The following HS6ST2 variants were observed in gnomAD, a reference collection of about 807,000 sequenced individuals.
HS6ST2 encodes heparan sulfate 6-O-sulfotransferase 2, also known as heparan-sulfate 6-O-sulfotransferase 2.
A neutral mutation model predicts 33.0 loss-of-function variants in HS6ST2; 17 were observed. The ratio of observed to expected loss-of-function variants is 0.52; its 90% CI spans 0.35 to 0.77. The LOEUF is 0.77. Among genes scored for constraint, HS6ST2 ranks in the 30% least tolerant of loss-of-function variants. The pLI, the probability that HS6ST2 is intolerant of heterozygous loss-of-function variation, is 0.01. For synonymous variants in HS6ST2, 248 were observed against 237.1 expected (o/e 1.05, Z -0.42); for missense variants, 519 against 551.7 (o/e 0.94, Z 0.59).
rs1223264100 is a variant in HS6ST2 at position 132,626,133 on chromosome X, AAAAATG to A, written c.*2084_*2089del. The stretch of plus-strand genomic sequence containing the variant: ...GAAATCATGGGATTTACATAATGGC[AAAAATG>A]TATATGTATATTTATAACATCCTCT... On this transcript the variant is annotated 3_prime_UTR_variant, in exon 5 of 5. Transcript: ENST00000370833. 9.5e-6 allele frequency: 1 copy of A among 105,662 alleles called. No individual in the cohort carries two copies. The highest frequency in any genetic ancestry group is 2.0e-5 in the Non-Finnish European group (1 of 50,221). The allele number at this position is 105,662 out of a possible 1,213,427, so 8.7% of individuals were successfully genotyped here. A position where few individuals can be genotyped will look rare whatever the true frequency, so the allele number is the denominator to read the frequency against.
chrX:132,936,641 GC>G (rs2066825399), intron 2 of HS6ST2, among the ~76,000 whole-genome samples: 1 of 111,367 alleles, frequency 9.0e-6, no homozygotes, highest in Non-Finnish European at 1.9e-5. Flanking sequence ...ATAAGTGAGA[GC>G]TAAACACTGA....
intron 4 of HS6ST2, among the ~76,000 whole-genome samples, chrX:132,632,452 G>A (rs1228550718): frequency 8.1e-5 from 9 of 110,988 alleles, no homozygotes; most frequent in Non-Finnish European, 1.5e-4. Context: ...TATATCCAAG[G>A]AAGAGCTTTT....
chrX:132,834,641 G>A (rs1393551368), intron 2 of HS6ST2, among the ~76,000 whole-genome samples: 1 of 112,300 alleles, frequency 8.9e-6, no homozygotes, highest in Non-Finnish European at 1.9e-5. Flanking sequence ...TTCGTAATTT[G>A]AGAATTGCAC....
chrX:132,872,661 C>G (rs2066073533), intron 2 of HS6ST2, among the ~76,000 whole-genome samples: 1 of 111,696 alleles, frequency 9.0e-6, no homozygotes, highest in Non-Finnish European at 1.9e-5. Context: ...TTAATACATA[C>G]AGTGTTCATA....
At chrX:132,650,967 T>C (rs764723248) in intron 4 of HS6ST2, among the ~76,000 whole-genome samples, 54 of 110,932 alleles carry the variant, frequency 4.9e-4, no homozygotes, top group African/African-American at 1.6e-3. Context: ...GGGGTCTCAC[T>C]ATGTTGCCCA....
chrX:132,823,597 T>C (rs2065482037), intron 2 of HS6ST2, among the ~76,000 whole-genome samples: 1 of 107,522 alleles, frequency 9.3e-6, no homozygotes, highest in South Asian at 4.1e-4. Flanking sequence ...GGCTCATACC[T>C]GTAAAGCCAG....
At chrX:132,690,362 T>C (rs1172315534) in intron 3 of HS6ST2, among the ~76,000 whole-genome samples, 1 of 111,976 alleles carries the variant, frequency 8.9e-6, no homozygotes, top group East Asian at 2.8e-4. Context: ...GAAAGAGTCT[T>C]CAATTTCCCA....
intron 2 of HS6ST2, among the ~76,000 whole-genome samples, chrX:132,718,194 A>T (rs1267762347): frequency 9.0e-6 from 1 of 111,678 alleles, no homozygotes; most frequent in Non-Finnish European, 1.9e-5. Context: ...AAATGAGAAA[A>T]CTGAGGCTCA....
chrX:132,790,404 G>A (rs767027291), intron 2 of HS6ST2, among the ~76,000 whole-genome samples: 1 of 111,961 alleles, frequency 8.9e-6, no homozygotes, highest in Admixed American at 9.5e-5. Context: ...ATAGTATGTT[G>A]TAAATATAAC....
chrX:132,637,499 T>G (rs2063557019), intron 4 of HS6ST2, among the ~76,000 whole-genome samples: 1 of 108,133 alleles, frequency 9.2e-6, no homozygotes, highest in Non-Finnish European at 1.9e-5. Context: ...CTGTAAACAT[T>G]TACTTTCCTT....
At chrX:132,924,819 G>A (rs779517474) in intron 2 of HS6ST2, among the ~76,000 whole-genome samples, 1 of 111,844 alleles carries the variant, frequency 8.9e-6, no homozygotes, top group East Asian at 2.8e-4. Context: ...GCGAAATGCC[G>A]CCTCTAGGAA....
chrX:132,764,682 G>A (rs944929444), intron 2 of HS6ST2, among the ~76,000 whole-genome samples: 3 of 111,463 alleles, frequency 2.7e-5, no homozygotes, highest in African/African-American at 9.8e-5. Context: ...CTCCTTCCAG[G>A]CCAAGCTCAA....
intron 2 of HS6ST2, among the ~76,000 whole-genome samples, chrX:132,823,149 G>A (rs1372738035): frequency 8.9e-6 from 1 of 112,360 alleles, no homozygotes; most frequent in East Asian, 2.8e-4. Flanking sequence ...GTCTCCAAGA[G>A]GAAGATATGG....
chrX:132,762,554 G>A (rs1602650023), intron 2 of HS6ST2, among the ~76,000 whole-genome samples: 1 of 111,828 alleles, frequency 8.9e-6, no homozygotes, highest in Admixed American at 9.5e-5. Context: ...ATGGAGAGTG[G>A]TGCATGTCCA....
intron 3 of HS6ST2, chrX:132,669,646 G>C (rs1362499303): frequency 8.8e-6 from 1 of 113,108 alleles, no homozygotes; most frequent in Non-Finnish European, 1.9e-5. Context: ...ACTTCTAAAA[G>C]TCTTTGGGAG....
intron 2 of HS6ST2, among the ~76,000 whole-genome samples, chrX:132,755,849 T>C (rs777434281): frequency 4.5e-5 from 5 of 111,933 alleles, no homozygotes; most frequent in Non-Finnish European, 9.4e-5. Context: ...ATCATTAAAA[T>C]GTTATTTATG....
intron 2 of HS6ST2, among the ~76,000 whole-genome samples, chrX:132,882,766 C>T (rs1426462820): frequency 2.7e-5 from 3 of 111,063 alleles, no homozygotes; most frequent in African/African-American, 9.8e-5. Flanking sequence ...GTGGGATTGT[C>T]ATAAATAGTT....
intron 3 of HS6ST2, among the ~76,000 whole-genome samples, chrX:132,676,682 A>G (rs1214202075): frequency 9.0e-6 from 1 of 111,672 alleles, no homozygotes; most frequent in Non-Finnish European, 1.9e-5. Context: ...TTTCTGATTC[A>G]GCAGGTCTAA....
At chrX:132,642,617 T>A (rs757709909) in intron 4 of HS6ST2, among the ~76,000 whole-genome samples, 23 of 111,824 alleles carry the variant, frequency 2.1e-4, no homozygotes, top group South Asian at 1.9e-3. Flanking sequence ...GGGCTACATG[T>A]GTGGGGAAAT....
Sources: gnomAD v4.1 joint callset for allele counts (sites outside exome capture counted in the v4.1 genomes callset) on GRCh38, gnomAD v4.1.1 for gene constraint, MANE v1.5 for transcripts, NCBI Gene and HGNC (gene_info 2026-07-23, HGNC 2026-07-21) for gene names.